Variants in CDH11 observed in about 807,000 individuals in gnomAD.
CDH11 encodes cadherin 11.
A neutral mutation model predicts 67.8 loss-of-function variants in CDH11; 11 were observed. The ratio of observed to expected loss-of-function variants is 0.16; its 90% CI spans 0.10 to 0.27. The LOEUF (loss-of-function observed/expected upper bound fraction) is 0.27, where lower values mean the gene tolerates loss of function less well. Ranked by LOEUF, CDH11 falls within the 10% of genes least tolerant of loss-of-function variation. The pLI is 1.00. For missense variants in CDH11, 847 were observed against 1,031.2 expected (o/e 0.82, Z 2.45); for synonymous variants, 419 against 400.0 (o/e 1.05, Z -0.57).
chr16:64,979,888 AAAG>A (rs2072286136), intron 8 of CDH11, among the ~76,000 whole-genome samples: 1 of 152,246 alleles, frequency 6.6e-6, no homozygotes, highest in Non-Finnish European at 1.5e-5. Flanking sequence ...TCAGAGATAA[AAAG>A]AAATGAATTA....
At chr16:65,052,709 A>C (rs2074078566) in intron 2 of CDH11, among the ~76,000 whole-genome samples, 1 of 152,230 alleles carries the variant, frequency 6.6e-6, no homozygotes, top group South Asian at 2.1e-4. Context: ...GGATATACAT[A>C]GATAATGGAT....
chr16:65,075,745 C>T (rs1290954275), intron 1 of CDH11, among the ~76,000 whole-genome samples: 2 of 152,368 alleles, frequency 1.3e-5, no homozygotes, highest in African/African-American at 4.8e-5. Context: ...ATTGCACAGC[C>T]AGCGTAGACA....
At chr16:65,000,341 T>G (rs904808305) in intron 3 of CDH11, among the ~76,000 whole-genome samples, 7 of 152,136 alleles carry the variant, frequency 4.6e-5, no homozygotes, top group Non-Finnish European at 8.8e-5. Context: ...TTAATCCGAG[T>G]TCCTTGGTCC....
At chr16:65,045,655 A>C (rs575089514) in intron 2 of CDH11, among the ~76,000 whole-genome samples, 2 of 152,152 alleles carry the variant, frequency 1.3e-5, no homozygotes, top group East Asian at 3.9e-4. Context: ...GTAGCCAGGA[A>C]AGGAAATGTT....
Position 64,998,480 on chromosome 16 carries a change from G to C in CDH11, c.523+82C>G, listed in dbSNP as rs185147345. ...AGATAAAGAAGAAGCTCTACTTCCT[G>C]ATTTGGGAGAACGGGCTTCAGCCCA... On this transcript the variant is annotated intron_variant, in intron 4 of 12. Coordinates refer to ENST00000268603, the MANE Select transcript of CDH11 (RefSeq NM_001797.4). 1.4e-4 allele frequency: 190 copies of C among 1,314,916 alleles called. No homozygotes were observed. The African/African-American group carries it at 2.6e-3, about 18-fold the overall frequency. The allele number at this position is 1,314,916 out of a possible 1,614,324, so 81.5% of individuals were successfully genotyped here. A position where few individuals can be genotyped will look rare whatever the true frequency, so the allele number is the denominator to read the frequency against.
intron 11 of CDH11, among the ~76,000 whole-genome samples, chr16:64,964,078 G>A (rs1364481536): frequency 6.6e-6 from 1 of 152,144 alleles, no homozygotes; most frequent in Non-Finnish European, 1.5e-5. Flanking sequence ...TATTTTAATT[G>A]ACCTAACACA....
At chr16:65,025,920 T>C (rs543269111) in intron 2 of CDH11, among the ~76,000 whole-genome samples, 3 of 152,000 alleles carry the variant, frequency 2.0e-5, no homozygotes, top group Non-Finnish European at 4.4e-5. Flanking sequence ...AGAGGAGGGA[T>C]AGCTGATCCC....
chr16:64,997,861 C>G (rs1382262300), intron 4 of CDH11, among the ~76,000 whole-genome samples: 1 of 152,168 alleles, frequency 6.6e-6, no homozygotes, highest in Non-Finnish European at 1.5e-5. Context: ...CTCTTTTAAG[C>G]AGACTCACTC....
rs1369998036 is a variant in CDH11, at chr16:65,064,702, C to A, written c.-297-10774G>T. On this transcript the variant is annotated intron_variant, in intron 1 of 12. Coordinates refer to ENST00000268603, the MANE Select transcript of CDH11 (RefSeq NM_001797.4). ...TTATGTTGTTTCCTTTTAATTGTAT[C>A]TGTTTTTTGACTGCCTCATATTTAT... Among the ~76,000 whole-genome samples, 3 of 152,196 alleles carry A rather than the reference C, an allele frequency of 2.0e-5. No homozygotes were observed. In the East Asian group the frequency reaches 5.8e-4, roughly 29 times the overall value.
chr16:65,101,537 T>C (rs1466143930), intron 1 of CDH11, among the ~76,000 whole-genome samples: 2 of 152,182 alleles, frequency 1.3e-5, no homozygotes, highest in African/African-American at 4.8e-5. Context: ...TTATTTTTTC[T>C]ATTTTCCTTC....
At chr16:65,045,154 CT>C (rs1189122980) in intron 2 of CDH11, among the ~76,000 whole-genome samples, 1 of 151,480 alleles carries the variant, frequency 6.6e-6, no homozygotes, top group Non-Finnish European at 1.5e-5. Flanking sequence ...CTAGGTCCAT[CT>C]TTCAAGCAGA....
chr16:65,106,515 T>C (rs530902151), intron 1 of CDH11, among the ~76,000 whole-genome samples: 3 of 152,280 alleles, frequency 2.0e-5, no homozygotes, highest in African/African-American at 7.2e-5. Context: ...TCTTTATCTC[T>C]TATAAATCTT....
chr16:65,090,194 G>A (rs1340245516), intron 1 of CDH11, among the ~76,000 whole-genome samples: 2 of 151,520 alleles, frequency 1.3e-5, no homozygotes, highest in Non-Finnish European at 2.9e-5. Flanking sequence ...CTAAGTTTTC[G>A]CTTAATAGAA....
intron 1 of CDH11, among the ~76,000 whole-genome samples, chr16:65,064,139 G>A (rs140662345): frequency 6.6e-6 from 1 of 152,180 alleles, no homozygotes; most frequent in African/African-American, 2.4e-5. Flanking sequence ...ATGGTCCTCA[G>A]AGAAGGCCCA....
intron 1 of CDH11, among the ~76,000 whole-genome samples, chr16:65,106,301 G>A (rs2075064858): frequency 6.6e-6 from 1 of 152,104 alleles, no homozygotes; most frequent in Non-Finnish European, 1.5e-5. Flanking sequence ...ATGGGTATAG[G>A]GTTTGACCTG....
At chr16:64,990,289 G>T (rs1329188169) in intron 6 of CDH11, among the ~76,000 whole-genome samples, 1 of 152,142 alleles carries the variant, frequency 6.6e-6, no homozygotes, top group Non-Finnish European at 1.5e-5. Context: ...TGAGCCTCAG[G>T]CTTATTGAGG....
At chr16:65,010,520 T>G (rs1567526511) in intron 2 of CDH11, among the ~76,000 whole-genome samples, 1 of 152,110 alleles carries the variant, frequency 6.6e-6, no homozygotes, top group African/African-American at 2.4e-5. Flanking sequence ...GGCATAAGCT[T>G]GGGGTAATCA....
At chr16:65,039,726 A>C (rs2073827151) in intron 2 of CDH11, among the ~76,000 whole-genome samples, 2 of 152,188 alleles carry the variant, frequency 1.3e-5, no homozygotes, top group East Asian at 1.9e-4. Context: ...TAATTAAACT[A>C]AAGAGCTTCT....
At chr16:65,049,181 CT>C (rs760228013) in intron 2 of CDH11, among the ~76,000 whole-genome samples, 17 of 152,128 alleles carry the variant, frequency 1.1e-4, no homozygotes, top group Non-Finnish European at 1.9e-4. Context: ...CATGTACCCC[CT>C]GAATCTATTA....
Sources: allele counts gnomAD v4.1 joint callset (sites outside exome capture counted in the v4.1 genomes callset), GRCh38; gene constraint gnomAD v4.1.1; transcripts MANE v1.5; gene names NCBI Gene and HGNC (gene_info 2026-07-23, HGNC 2026-07-21).